PRPSAP1: variants seen among roughly 807,000 people sequenced by gnomAD.
The protein encoded by PRPSAP1 is phosphoribosyl pyrophosphate synthase-associated protein 1.
PRPSAP1 carries 31 observed loss-of-function variants against 39.4 expected under a neutral mutation model. That is an observed-to-expected ratio of 0.79 (90% CI 0.59 to 1.06). The LOEUF (loss-of-function observed/expected upper bound fraction) is 1.06. Among genes scored for constraint, PRPSAP1 ranks in the 50% least tolerant of loss-of-function variants. The pLI, the probability that PRPSAP1 is intolerant of heterozygous loss-of-function variation, is 0.00. For missense variants in PRPSAP1, 430 were observed against 511.6 expected, an observed-to-expected ratio of 0.84 and a Z score of 1.54; for synonymous variants, 212 against 192.6, an observed-to-expected ratio of 1.10 and a Z score of -0.83.
At chr17:76,350,211 G>A (rs1044910395) in intron 1 of PRPSAP1, among the ~76,000 whole-genome samples, 22 of 122,250 alleles carry the variant, frequency 1.8e-4, no homozygotes, top group Admixed American at 5.5e-4. Flanking sequence ...AGGCCGAGGC[G>A]GGCGGATCAC....
intron 2 of PRPSAP1, among the ~76,000 whole-genome samples, chr17:76,347,156 G>A (rs939353831): frequency 4.0e-5 from 6 of 151,594 alleles, no homozygotes; most frequent in African/African-American, 1.5e-4. Flanking sequence ...ATCCGAGTGT[G>A]CCAAGCAGAG....
intron 7 of PRPSAP1, among the ~76,000 whole-genome samples, chr17:76,327,449 T>C (rs346792): frequency 0.31 from 46,841 of 151,854 alleles, 8,474 homozygotes; most frequent in African/African-American, 0.5. Flanking sequence ...TGTCAAGAGA[T>C]CGAGACCATC....
chr17:76,318,390 C>CAGTGAG (rs1227761789), intron 7 of PRPSAP1, among the ~76,000 whole-genome samples: 2 of 152,128 alleles, frequency 1.3e-5, no homozygotes, highest in Non-Finnish European at 2.9e-5. Flanking sequence ...GCGGAGGTGG[C>CAGTGAG]AGTGAGCTGG....
intron 7 of PRPSAP1, among the ~76,000 whole-genome samples, chr17:76,319,720 T>C (rs2071168269): frequency 1.3e-5 from 2 of 152,004 alleles, no homozygotes; most frequent in African/African-American, 4.8e-5. Flanking sequence ...CCCAAAGTGC[T>C]GGGATTACAG....
rs529311730 is a variant in PRPSAP1, at chr17:76,323,115, G to A, written c.781+5602C>T. ...CCAGCACTTTGGGAGGCTGAAGCAC[G>A]CAGATCACCTGAGGTCAGGAGTTTG... On this transcript the variant is annotated intron_variant, in intron 7 of 9. Transcript: ENST00000446526. Among the ~76,000 whole-genome samples the A allele has an allele frequency of 6.8e-5, 10 of 146,378 alleles. No individual in the cohort carries two copies. In the South Asian group the frequency reaches 1.8e-3, roughly 26 times the overall value.
At chr17:76,325,821 C>T (rs543020573) in intron 7 of PRPSAP1, among the ~76,000 whole-genome samples, 4 of 152,004 alleles carry the variant, frequency 2.6e-5, no homozygotes, top group Admixed American at 6.6e-5. Flanking sequence ...TTAGTCAGGA[C>T]GGTCTCGATC....
intron 3 of PRPSAP1, among the ~76,000 whole-genome samples, chr17:76,341,356 A>G (rs1416050669): frequency 1.3e-5 from 2 of 150,714 alleles, no homozygotes; most frequent in Non-Finnish European, 1.5e-5. Context: ...TCCCAACTCA[A>G]CCACCCGAGT....
chr17:76,314,206 A>G (rs1486195639), intron 7 of PRPSAP1: 1 of 274,854 alleles, frequency 3.6e-6, no homozygotes, highest in Admixed American at 4.8e-5. Context: ...ATAAAAATGT[A>G]TGTATGTATG....
At chr17:76,345,284 T>C (rs1327347284) in intron 2 of PRPSAP1, among the ~76,000 whole-genome samples, 1 of 125,244 alleles carries the variant, frequency 8.0e-6, no homozygotes, top group Non-Finnish European at 1.6e-5. Context: ...CCGGCCAATA[T>C]GGTGAAACCC....
At chr17:76,335,076 C>A (rs893287129) in intron 3 of PRPSAP1, among the ~76,000 whole-genome samples, 34 of 152,260 alleles carry the variant, frequency 2.2e-4, no homozygotes, top group African/African-American at 7.9e-4. Flanking sequence ...GTGTGGTCCC[C>A]TTCCCAGAGA....
At position 76,313,811 on chromosome 17, in the gene PRPSAP1, A is replaced by C. The variant is rs368375318; in HGVS notation, c.852+10T>G. ...TGCCACCTCTGCACATGGATGACAT[A>C]TAACCATACCACGATGATTGCGATG... On this transcript the variant is annotated intron_variant, in intron 8 of 9. Transcript: ENST00000446526. 72 of 1,614,066 alleles carry C rather than the reference A, an allele frequency of 4.5e-5. No individual in the cohort carries two copies. The highest frequency in any genetic ancestry group is 5.8e-5 in the Non-Finnish European group (69 of 1,180,028).
intron 7 of PRPSAP1, among the ~76,000 whole-genome samples, chr17:76,319,001 G>A (rs557737618): frequency 1.1e-3 from 167 of 152,032 alleles, no homozygotes; most frequent in Admixed American, 1.0e-3. Flanking sequence ...GTGCAGTGGC[G>A]TGATCTCAGC....
intron 7 of PRPSAP1, among the ~76,000 whole-genome samples, chr17:76,318,520 A>G (rs2071149490): frequency 1.3e-5 from 2 of 152,202 alleles, no homozygotes; most frequent in Non-Finnish European, 2.9e-5. Flanking sequence ...CCAAGGTTGA[A>G]TATTTATTCT....
intron 3 of PRPSAP1, among the ~76,000 whole-genome samples, chr17:76,336,822 C>A (rs146967612): frequency 8.6e-5 from 13 of 151,676 alleles, no homozygotes; most frequent in African/African-American, 3.1e-4. Flanking sequence ...TCCAGCCCAA[C>A]GCTAAAGAAA....
chr17:76,313,453 G>C (rs2071089799), intron 8 of PRPSAP1: 1 of 263,986 alleles, frequency 3.8e-6, no homozygotes, highest in Non-Finnish European at 7.2e-6. Context: ...CATGCAGAAC[G>C]AGTCTGCACG....
intron 7 of PRPSAP1, among the ~76,000 whole-genome samples, chr17:76,318,689 T>C (rs1171105359): frequency 2.6e-5 from 4 of 152,104 alleles, no homozygotes; most frequent in African/African-American, 9.7e-5. Flanking sequence ...TGGCTAAGCC[T>C]ATTAAAGAGA....
At chr17:76,318,381 C>T (rs746321250) in intron 7 of PRPSAP1, among the ~76,000 whole-genome samples, 18 of 152,014 alleles carry the variant, frequency 1.2e-4, no homozygotes, top group African/African-American at 2.4e-5. Context: ...ACCTGGGAGG[C>T]GGAGGTGGCA....
chr17:76,343,717 C>A (rs978721258), intron 3 of PRPSAP1, among the ~76,000 whole-genome samples: 1 of 152,042 alleles, frequency 6.6e-6, no homozygotes, highest in Admixed American at 6.6e-5. Flanking sequence ...CACCTGTAAT[C>A]CCACCTACTA....
intron 7 of PRPSAP1, chr17:76,319,332 A>AT (rs2071161169): frequency 2.0e-5 from 3 of 152,172 alleles, no homozygotes; most frequent in Admixed American, 2.0e-4. Flanking sequence ...GTAACTGAGC[A>AT]TGTCCACCCT....
Sources: allele counts gnomAD v4.1 joint callset (sites outside exome capture counted in the v4.1 genomes callset), GRCh38; gene constraint gnomAD v4.1.1; transcripts MANE v1.5; gene names NCBI Gene and HGNC (gene_info 2026-07-23, HGNC 2026-07-21).